Variants in RSPRY1 observed in about 807,000 individuals in gnomAD.
RSPRY1 encodes the protein RING finger and SPRY domain-containing protein 1.
RSPRY1 carries 23 observed loss-of-function variants against 73.1 expected under a neutral mutation model. The ratio of observed to expected loss-of-function variants is 0.31; its 90% CI spans 0.23 to 0.45. The LOEUF is 0.45. Among genes scored for constraint, RSPRY1 ranks in the 20% least tolerant of loss-of-function variants. The pLI, the probability that RSPRY1 is intolerant of heterozygous loss-of-function variation, is 1.00. For missense variants in RSPRY1, 448 were observed against 698.7 expected (o/e 0.64, Z 4.05); for synonymous variants, 226 against 251.4 (o/e 0.90, Z 0.95).
At chr16:57,229,579 A>T (rs2146361315) in intron 11 of RSPRY1, among the ~76,000 whole-genome samples, 1 of 151,172 alleles carries the variant, frequency 6.6e-6, no homozygotes, top group East Asian at 2.0e-4. Flanking sequence ...GGATTGTACC[A>T]CTGCACTCCA....
Position 57,204,798 on chromosome 16 carries a change from G to A in RSPRY1, c.140G>A (p.Arg47Gln), listed in dbSNP as rs200607629. The part of the protein sequence containing the change: ...ATTMGNSCIC[R>Q]DDSGTDDSVD... Reference sequence around the variant, plus strand: ...ACCATGGGTAATTCCTGTATCTGCCGAGATGACAGTGGAACAGATGACAGT... The same window carrying A: ...ACCATGGGTAATTCCTGTATCTGCCAAGATGACAGTGGAACAGATGACAGT... The change falls in exon 2 of 15, where the codon CGA (arginine) becomes CAA (glutamine). Residue 47 changes from arginine (R) to glutamine (Q), a missense_variant. Transcript: ENST00000394420. The A allele has an allele frequency of 1.1e-4, 174 of 1,614,156 alleles. No individual in the cohort carries two copies. Among genetic ancestry groups the A allele is most frequent in the Admixed American group, 8.5e-4 (51 of 60,012 alleles).
intron 7 of RSPRY1, 101 bp from the exon 8 acceptor site, chr16:57,216,803 A>G (rs766215401): frequency 5.2e-5 from 58 of 1,115,964 alleles, no homozygotes; most frequent in East Asian, 7.1e-5. Context: ...CTAGTCTCCA[A>G]TTCTTTAATT....
rs1200236076 is a variant in RSPRY1 at position 57,240,444 on chromosome 16, AATAAAAC to A, written c.*1472_*1478del. On this transcript the variant is annotated 3_prime_UTR_variant, in exon 15 of 15. Transcript: ENST00000394420. The stretch of plus-strand genomic sequence containing the variant: ...GTGAATACAGTAATTTGCATTGAAG[AATAAAAC>A]ATCTGTTGCCTTTTTTGACTAAGAT... The A allele has an allele frequency of 6.6e-6, 1 of 152,172 alleles. No individual in the cohort carries two copies. The highest frequency in any genetic ancestry group is 1.5e-5 in the Non-Finnish European group (1 of 68,038). The allele number at this position is 152,172 out of a possible 1,614,324, so 9.4% of individuals were successfully genotyped here.
intron 14 of RSPRY1, among the ~76,000 whole-genome samples, chr16:57,237,852 A>C (rs1251075589): frequency 6.6e-6 from 1 of 152,082 alleles, no homozygotes; most frequent in Non-Finnish European, 1.5e-5. Context: ...AGCTGGGATT[A>C]CCAGTGCCCG....
rs145052084 is a variant in RSPRY1, at chr16:57,193,477, G to A, written c.-156+7026G>A. ...TTCAGTAAGAAGATTGTGGTCTTTG[G>A]GGTGTTCTGCAGGCTTTTTTTTTTT... On this transcript the variant is annotated intron_variant, in intron 1 of 14. Coordinates refer to ENST00000394420, the MANE Select transcript of RSPRY1 (RefSeq NM_133368.3). 2.7e-3 allele frequency among the ~76,000 whole-genome samples: 396 copies of A among 147,964 alleles called. 2 individuals are homozygous for A. Among genetic ancestry groups the A allele is most frequent in the African/African-American group, 9.0e-3 (367 of 40,760 alleles).
chr16:57,238,657 AG>A (rs2146409295), intron 14 of RSPRY1, among the ~76,000 whole-genome samples: 1 of 152,380 alleles, frequency 6.6e-6, no homozygotes, highest in African/African-American at 2.4e-5. Flanking sequence ...AGTGTCTGAA[AG>A]AATGCATATG....
chr16:57,191,552 G>A (rs1481335151), intron 1 of RSPRY1, among the ~76,000 whole-genome samples: 3 of 152,046 alleles, frequency 2.0e-5, no homozygotes, highest in Non-Finnish European at 2.9e-5. Flanking sequence ...AGTTTGGGGT[G>A]CATCATCTGA....
intron 1 of RSPRY1, among the ~76,000 whole-genome samples, chr16:57,192,371 T>A (rs1318916743): frequency 1.3e-5 from 2 of 152,176 alleles, no homozygotes; most frequent in African/African-American, 4.8e-5. Flanking sequence ...ATTACATTTG[T>A]TTTTCTTCCC....
At chr16:57,202,878 T>TTTTATATATATATATA (rs1237175240) in intron 1 of RSPRY1, among the ~76,000 whole-genome samples, 8 of 131,630 alleles carry the variant, frequency 6.1e-5, no homozygotes, top group East Asian at 5.5e-4. Flanking sequence ...TTACATATGA[T>TTTTATATATATATATA]TATATATATA....
chr16:57,192,501 T>A (rs2074367626), intron 1 of RSPRY1, among the ~76,000 whole-genome samples: 1 of 152,198 alleles, frequency 6.6e-6, no homozygotes, highest in Non-Finnish European at 1.5e-5. Flanking sequence ...CCTTTTTTAC[T>A]ATTATTTGCT....
At chr16:57,227,986 A>AT (rs2075144873) in intron 11 of RSPRY1, among the ~76,000 whole-genome samples, 1 of 152,230 alleles carries the variant, frequency 6.6e-6, no homozygotes, top group Non-Finnish European at 1.5e-5. Flanking sequence ...CCCAATCAGC[A>AT]TTATGGATAT....
In RSPRY1 at chr16:57,240,352, CACACACAA is replaced by C. The variant is rs1285743481; in HGVS notation, c.*1379_*1386del. The C allele has an allele frequency of 2.7e-5, 4 of 147,088 alleles. No individual in the cohort carries two copies. In the South Asian group the frequency reaches 6.8e-4, roughly 25 times the overall value. 9.1% of individuals were successfully genotyped at this position (147,088 alleles called of 1,614,324 possible). Reference sequence around the variant, plus strand: ...TCTTCCATAAATCCACACACACACACACACACAAAAAATATATATATATATAAATATAT... The same window carrying C: ...TCTTCCATAAATCCACACACACACACAAAATATATATATATATAAATATAT... On this transcript the variant is annotated 3_prime_UTR_variant, in exon 15 of 15. Transcript: ENST00000394420.
At chr16:57,218,108 ATTTG>A (rs572530622) in intron 8 of RSPRY1, among the ~76,000 whole-genome samples, 171 of 152,008 alleles carry the variant, frequency 1.1e-3, no homozygotes, top group Non-Finnish European at 2.0e-3. Flanking sequence ...GCACTAACTT[ATTTG>A]TTTGTTTATT....
rs185302389 is a variant in RSPRY1, at chr16:57,210,577, G to A, written c.516+1390G>A. 2.5e-3 allele frequency among the ~76,000 whole-genome samples: 379 copies of A among 152,170 alleles called. 2 individuals are homozygous for A. Among genetic ancestry groups the A allele is most frequent in the African/African-American group, 8.7e-3 (362 of 41,506 alleles). ...TCTCTACTAAAAATCAGCCGGGAGT[G>A]GTGGCAGGCACCTGTAATCCCAGTA... On this transcript the variant is annotated intron_variant, in intron 4 of 14. Transcript: ENST00000394420.
chr16:57,202,843 C>T (rs1369002691), intron 1 of RSPRY1, among the ~76,000 whole-genome samples: 2 of 143,820 alleles, frequency 1.4e-5, no homozygotes, highest in Non-Finnish European at 3.0e-5. Context: ...TTCCCTTTGC[C>T]TCCTCCCTCT....
intron 1 of RSPRY1, among the ~76,000 whole-genome samples, chr16:57,187,443 T>TTTGAAGG (rs1241482445): frequency 1.3e-5 from 2 of 152,216 alleles, no homozygotes; most frequent in African/African-American, 4.8e-5. Flanking sequence ...TAGAAGTGTC[T>TTTGAAGG]GTTATCGACT....
chr16:57,199,913 C>CTTT (rs1315067392), intron 1 of RSPRY1, among the ~76,000 whole-genome samples: 3 of 72,186 alleles, frequency 4.2e-5, no homozygotes, highest in African/African-American at 1.0e-4. Context: ...TTTTCTTTTT[C>CTTT]TTTTTTTTTT....
intron 1 of RSPRY1, among the ~76,000 whole-genome samples, chr16:57,203,331 G>A (rs552495232): frequency 1.3e-4 from 20 of 152,144 alleles, no homozygotes; most frequent in Middle Eastern, 3.4e-3. Context: ...AATAATGGGA[G>A]TAATATTTCT....
chr16:57,196,974 C>T (rs1483770785), intron 1 of RSPRY1, among the ~76,000 whole-genome samples: 5 of 152,086 alleles, frequency 3.3e-5, no homozygotes, highest in South Asian at 2.1e-4. Context: ...TTAATTAGGA[C>T]GTGTATCAGT....
Sources: gnomAD v4.1 joint callset for allele counts (sites outside exome capture counted in the v4.1 genomes callset) on GRCh38, gnomAD v4.1.1 for gene constraint, MANE v1.5 for transcripts, NCBI Gene and HGNC (gene_info 2026-07-23, HGNC 2026-07-21) for gene names.